STK39: variants seen among roughly 807,000 people sequenced by gnomAD.
The protein encoded by STK39 is STE20/SPS1-related proline-alanine-rich protein kinase.
A neutral mutation model predicts 77.8 loss-of-function variants in STK39; 20 were observed. The observed-to-expected ratio is 0.26, with a 90% CI of 0.18 to 0.37. The LOEUF is 0.37. Ranked by LOEUF, STK39 falls within the 10% of genes least tolerant of loss-of-function variation. The pLI, the probability that STK39 is intolerant of heterozygous loss-of-function variation, is 1.00. For synonymous variants in STK39, 246 were observed against 234.1 expected (o/e 1.05, Z -0.47); for missense variants, 479 against 656.5 (o/e 0.73, Z 2.95).
At chr2:168,041,025 T>C (rs74901086) in intron 14 of STK39, among the ~76,000 whole-genome samples, 12,491 of 152,204 alleles carry the variant, frequency 0.082, 867 homozygotes, top group East Asian at 0.2. Flanking sequence ...GTGCGAGGCA[T>C]GGAACATAGA....
At chr2:168,122,633 T>G (rs1204663235) in intron 10 of STK39, among the ~76,000 whole-genome samples, 2 of 152,052 alleles carry the variant, frequency 1.3e-5, no homozygotes, top group East Asian at 3.9e-4. Context: ...GACAGAATCT[T>G]GCCATGTTGC....
chr2:167,981,704 C>A (rs969432265), intron 16 of STK39, among the ~76,000 whole-genome samples: 3 of 152,128 alleles, frequency 2.0e-5, no homozygotes, highest in Non-Finnish European at 4.4e-5. Flanking sequence ...ATGGGTTTGG[C>A]GGACTTTTAC....
chr2:168,141,584 A>G (rs1288181207), intron 5 of STK39, among the ~76,000 whole-genome samples: 2 of 152,252 alleles, frequency 1.3e-5, no homozygotes, highest in East Asian at 3.8e-4. Flanking sequence ...CAGTGGTTAA[A>G]AGTAGTTGAT....
chr2:168,186,733 TG>T (rs1434841002), intron 1 of STK39, among the ~76,000 whole-genome samples: 2 of 152,210 alleles, frequency 1.3e-5, no homozygotes, highest in African/African-American at 4.8e-5. Flanking sequence ...GCTCTCTCTC[TG>T]GGACTCATTT....
chr2:167,968,738 G>C (rs977053736), intron 16 of STK39, among the ~76,000 whole-genome samples: 1 of 152,204 alleles, frequency 6.6e-6, no homozygotes, highest in Non-Finnish European at 1.5e-5. Context: ...GACAATCCAA[G>C]CTCTAAGTAA....
intron 16 of STK39, among the ~76,000 whole-genome samples, chr2:168,003,879 A>T (rs201693875): frequency 3.3e-5 from 5 of 152,256 alleles, no homozygotes; most frequent in African/African-American, 4.8e-5. Context: ...CTGAAAGTCA[A>T]TATCAGTGAA....
rs1159306929 is a variant in STK39, at chr2:168,121,699, T to C, written c.1089+7842A>G. On this transcript the variant is annotated intron_variant, in intron 10 of 17. Coordinates refer to ENST00000355999, the MANE Select transcript of STK39 (RefSeq NM_013233.3). Reference sequence around the variant, plus strand: ...TCTCTTCACTCCTGATTTCACTACATACTTCTAAAATGTCCAGTCTTCCGT... The same window carrying C: ...TCTCTTCACTCCTGATTTCACTACACACTTCTAAAATGTCCAGTCTTCCGT... Among the ~76,000 whole-genome samples, 3 of 152,182 alleles carry C rather than the reference T, an allele frequency of 2.0e-5. No individual in the cohort carries two copies. The East Asian group carries it at 5.8e-4, about 29-fold the overall frequency.
At chr2:168,200,926 A>C (rs926054869) in intron 1 of STK39, among the ~76,000 whole-genome samples, 5 of 152,216 alleles carry the variant, frequency 3.3e-5, no homozygotes, top group African/African-American at 1.2e-4. Flanking sequence ...TTATTAACTC[A>C]GGTACATTAA....
intron 15 of STK39, among the ~76,000 whole-genome samples, chr2:168,013,257 G>T (rs1574391257): frequency 6.6e-6 from 1 of 152,216 alleles, no homozygotes; most frequent in African/African-American, 2.4e-5. Context: ...CAGATACATT[G>T]TCTTAGAAAA....
At chr2:168,127,657 C>T (rs1276105117) in intron 10 of STK39, among the ~76,000 whole-genome samples, 1 of 152,140 alleles carries the variant, frequency 6.6e-6, no homozygotes, top group Non-Finnish European at 1.5e-5. Context: ...TAGACAGGAA[C>T]CATTTTTTAA....
Position 168,016,411 on chromosome 2 carries a change from A to C in STK39, c.1429+632T>G, listed in dbSNP as rs541959314. 8.2e-3 allele frequency among the ~76,000 whole-genome samples: 1,222 copies of C among 148,656 alleles called. 27 individuals are homozygous for C. Among genetic ancestry groups the C allele is most frequent in the African/African-American group, 0.03 (1,154 of 38,890 alleles). ...TCAAAAAAAAAAAAAAAAAAAAAAAAAACAACACTACTGAACATGGGTGAA... is the reference window on the plus strand; with the variant it reads ...TCAAAAAAAAAAAAAAAAAAAAAAACAACAACACTACTGAACATGGGTGAA... On this transcript the variant is annotated intron_variant, in intron 15 of 17. Transcript: ENST00000355999.
intron 15 of STK39, among the ~76,000 whole-genome samples, chr2:168,015,561 TGCC>T (rs1684383209): frequency 6.6e-6 from 1 of 152,228 alleles, no homozygotes; most frequent in East Asian, 1.9e-4. Flanking sequence ...CCAAAGCCAG[TGCC>T]CATGGTCCAG....
chr2:167,980,146 A>G (rs1683376094), intron 16 of STK39, among the ~76,000 whole-genome samples: 2 of 152,250 alleles, frequency 1.3e-5, no homozygotes, highest in African/African-American at 4.8e-5. Context: ...AATATAGTCT[A>G]TGTATAAGAT....
chr2:168,091,009 G>A (rs564336783), intron 10 of STK39, among the ~76,000 whole-genome samples: 7 of 152,088 alleles, frequency 4.6e-5, no homozygotes, highest in Non-Finnish European at 7.4e-5. Flanking sequence ...ACATCCTATC[G>A]TGCTGGGAAT....
intron 12 of STK39, 92 bp downstream of exon 12, chr2:168,074,890 G>T: frequency 6.9e-7 from 1 of 1,442,682 alleles, no homozygotes; most frequent in Non-Finnish European, 9.4e-7. Flanking sequence ...TACTCCATGA[G>T]ATTTTGAAGC....
intron 14 of STK39, among the ~76,000 whole-genome samples, chr2:168,058,679 C>T (rs1238867597): frequency 6.6e-6 from 1 of 152,212 alleles, no homozygotes; most frequent in African/African-American, 2.4e-5. Flanking sequence ...TACTTTCAGG[C>T]CAAAACCTTG....
intron 8 of STK39, among the ~76,000 whole-genome samples, chr2:168,135,547 A>G (rs942326641): frequency 2.0e-4 from 31 of 152,270 alleles, no homozygotes; most frequent in African/African-American, 6.5e-4. Context: ...AGGAAGGGCA[A>G]GAACTCTCCA....
rs576510474 is a variant in STK39, at chr2:168,129,126, C to T, written c.1089+415G>A. 3.9e-5 allele frequency among the ~76,000 whole-genome samples: 6 copies of T among 152,294 alleles called. No individual in the cohort carries two copies. The East Asian group carries it at 1.2e-3, about 29-fold the overall frequency. Reference sequence around the variant, plus strand: ...ATAGGTCTTTCATGAGGAAAGAATGCTATCTCACAGCTATTCAAACCATTA... The same window carrying T: ...ATAGGTCTTTCATGAGGAAAGAATGTTATCTCACAGCTATTCAAACCATTA... On this transcript the variant is annotated intron_variant, in intron 10 of 17. Coordinates refer to ENST00000355999, the MANE Select transcript of STK39 (RefSeq NM_013233.3).
At chr2:168,109,050 G>C (rs188684131) in intron 10 of STK39, among the ~76,000 whole-genome samples, 39 of 152,258 alleles carry the variant, frequency 2.6e-4, no homozygotes, top group Non-Finnish European at 4.9e-4. Context: ...CTTGCCCTTT[G>C]TTGAACCTCT....
Sources: allele counts gnomAD v4.1 joint callset (sites outside exome capture counted in the v4.1 genomes callset), GRCh38; gene constraint gnomAD v4.1.1; transcripts MANE v1.5; gene names NCBI Gene and HGNC (gene_info 2026-07-23, HGNC 2026-07-21).